PCDHGA9: variants seen among roughly 807,000 people sequenced by gnomAD.
PCDHGA9 encodes protocadherin gamma-A9.
PCDHGA9 carries 37 observed loss-of-function variants against 62.5 expected under a neutral mutation model. The ratio of observed to expected loss-of-function variants is 0.59; its 90% CI spans 0.46 to 0.78. The LOEUF (loss-of-function observed/expected upper bound fraction) is 0.78. PCDHGA9 is among the 30% of genes least tolerant of loss of function. The probability of loss-of-function intolerance (pLI) is 0.00; values close to 1 mark genes in which losing one functional copy is unlikely to be tolerated. For synonymous variants in PCDHGA9, 459 were observed against 484.6 expected, an observed-to-expected ratio of 0.95 and a Z score of 0.69; for missense variants, 1,138 against 1,166.2, an observed-to-expected ratio of 0.98 and a Z score of 0.35.
Position 141,511,350 on chromosome 5 carries a change from C to G in PCDHGA9, c.*177C>G, listed in dbSNP as rs1303365585. 4.3e-6 allele frequency: 6 copies of G among 1,397,194 alleles called. No homozygotes were observed. Among genetic ancestry groups the G allele is most frequent in the East Asian group, 2.5e-5 (1 of 39,862 alleles). The allele number at this position is 1,397,194 out of a possible 1,614,324, so 86.5% of individuals were successfully genotyped here. On this transcript the variant is annotated 3_prime_UTR_variant, in exon 4 of 4. Transcript: ENST00000573521. ...CCCAGTCAGCACCTACCCCTTCCCC[C>G]CCAGGGGGTTGAATATGCAAAAGCA...
Position 141,489,600 on chromosome 5 carries a change from G to A in PCDHGA9, c.2425-5207G>A, listed in dbSNP as rs1407225048. 8.1e-6 allele frequency: 13 copies of A among 1,614,034 alleles called. No homozygotes were observed. Among genetic ancestry groups the A allele is most frequent in the Non-Finnish European group, 1.1e-5 (13 of 1,179,962 alleles). ...ACCCCCTGGAGCTAATCCGTGTAGA[G>A]GTAGAGATCCTGGATCTCAATGACA... On this transcript the variant is annotated intron_variant, in intron 1 of 3. Transcript: ENST00000573521. This position sits in a 1 kb window ranked among gnomAD's most constrained non-coding sequence, Gnocchi z 4.5.
chr5:141,469,226 A>G (rs998643671), intron 1 of PCDHGA9, among the ~76,000 whole-genome samples: 1 of 152,066 alleles, frequency 6.6e-6, no homozygotes, highest in Non-Finnish European at 1.5e-5. Context: ...TCAGTGAGCC[A>G]TGATCACCCC....
In PCDHGA9 at chr5:141,431,321, G is replaced by A. The variant is rs112186927; in HGVS notation, c.2424+25945G>A. The A allele has an allele frequency of 1.2e-6, 2 of 1,613,938 alleles. No individual in the cohort carries two copies. The highest frequency in any genetic ancestry group is 1.3e-5 in the African/African-American group (1 of 74,910). ...CCTCATCGTGCAAAATGGAGCCGAC[G>A]GTAGTAAGTACCCCGAATTGGTGCT... is the stretch of plus-strand genomic sequence containing the variant. On this transcript the variant is annotated intron_variant, in intron 1 of 3. Transcript: ENST00000573521. The surrounding 1 kb of genome is among the most constrained non-coding windows in gnomAD (Gnocchi z 4.8).
chr5:141,460,995 A>ATG lies in PCDHGA9; in HGVS notation c.2425-33808_2425-33807dup, dbSNP rs1561986931. Among the ~76,000 whole-genome samples the ATG allele has an allele frequency of 5.3e-5, 8 of 150,188 alleles. No homozygotes were observed. The East Asian group carries it at 1.4e-3, about 26-fold the overall frequency. On this transcript the variant is annotated intron_variant, in intron 1 of 3. Transcript: ENST00000573521. ...TGTGTGTGTGTGTGTATATATATAT[A>ATG]TGTGTATATATATATACCACATTTT...
At position 141,491,187 on chromosome 5, in the gene PCDHGA9, G is replaced by A. The variant is rs2099709293; in HGVS notation, c.2425-3620G>A. ...CCCAGCAGGTGGTGGTCCTGGTGAG[G>A]GACAATGGTGACCCTTCACTCTCCT... On this transcript the variant is annotated intron_variant, in intron 1 of 3. Coordinates refer to ENST00000573521, the MANE Select transcript of PCDHGA9 (RefSeq NM_018921.3). The surrounding 1 kb of genome is among the most constrained non-coding windows in gnomAD (Gnocchi z 6.9). The A allele has an allele frequency of 6.2e-7, 1 of 1,614,064 alleles. No homozygotes were observed. The highest frequency in any genetic ancestry group is 1.1e-5 in the South Asian group (1 of 91,080).
At chr5:141,427,773 C>T (rs1285483564) in intron 1 of PCDHGA9, 1 of 1,414,460 alleles carries the variant, frequency 7.1e-7, no homozygotes, top group Non-Finnish European at 9.9e-7. Flanking sequence ...CTTGGAGCTG[C>T]GGGCACTGTC....
At chr5:141,418,629 C>T in intron 1 of PCDHGA9, 1 of 1,614,014 alleles carries the variant, frequency 6.2e-7, no homozygotes, top group Non-Finnish European at 8.5e-7. Context: ...GACGTGCCTC[C>T]AGGCACCTCC....
chr5:141,485,279 C>T lies in PCDHGA9; in HGVS notation c.2425-9528C>T. 1 of 1,614,108 alleles carries T rather than the reference C, an allele frequency of 6.2e-7. No individual in the cohort carries two copies. Among genetic ancestry groups the T allele is most frequent in the Non-Finnish European group, 8.5e-7 (1 of 1,179,966 alleles). ...TTGTGGGCAGATCCGCTACCCGGTC[C>T]CAGAGGAGTCACAGGAAGGGACTTT... On this transcript the variant is annotated intron_variant, in intron 1 of 3. Transcript: ENST00000573521. The surrounding 1 kb of genome is among the most constrained non-coding windows in gnomAD (Gnocchi z 5.7).
chr5:141,485,726 C>G lies in PCDHGA9; in HGVS notation c.2425-9081C>G. On this transcript the variant is annotated intron_variant, in intron 1 of 3. Transcript: ENST00000573521. The surrounding 1 kb of genome is among the most constrained non-coding windows in gnomAD (Gnocchi z 5.7). ...ACACTTTGCACTGGATGTGAAGAAG[C>G]GCAGCGACGGCAGCCTGGTCCCAGA... 2 of 1,614,140 alleles carry G rather than the reference C, an allele frequency of 1.2e-6. No individual in the cohort carries two copies. The highest frequency in any genetic ancestry group is 1.1e-5 in the South Asian group (1 of 91,082).
In PCDHGA9 at chr5:141,431,710, G is replaced by A. The variant is rs1249423969; in HGVS notation, c.2424+26334G>A. On this transcript the variant is annotated intron_variant, in intron 1 of 3. Coordinates refer to ENST00000573521, the MANE Select transcript of PCDHGA9 (RefSeq NM_018921.3). The surrounding 1 kb of genome is among the most constrained non-coding windows in gnomAD (Gnocchi z 4.8). ...ACGAGGAGTCAGGATTCTACCAGAT[G>A]GAAGTGCAAGCAATGGATAATGCAG... is the stretch of plus-strand genomic sequence containing the variant. 3.1e-6 allele frequency: 5 copies of A among 1,614,116 alleles called. No individual in the cohort carries two copies. Among genetic ancestry groups the A allele is most frequent in the South Asian group, 1.1e-5 (1 of 91,088 alleles).
Position 141,476,935 on chromosome 5 carries a change from A to G in PCDHGA9, c.2425-17872A>G. The G allele has an allele frequency of 6.2e-7, 1 of 1,614,166 alleles. No homozygotes were observed. Among genetic ancestry groups the G allele is most frequent in the Non-Finnish European group, 8.5e-7 (1 of 1,180,046 alleles). Reference sequence around the variant, plus strand: ...AAGTCCTTGCAACGGATCTGGATGAAGGCCCCAACGGTGAAATTATTTACT... The same window carrying G: ...AAGTCCTTGCAACGGATCTGGATGAGGGCCCCAACGGTGAAATTATTTACT... On this transcript the variant is annotated intron_variant, in intron 1 of 3. Transcript: ENST00000573521. This position sits in a 1 kb window ranked among gnomAD's most constrained non-coding sequence, Gnocchi z 7.6.
In PCDHGA9 at chr5:141,402,985, A is replaced by G; in HGVS notation, c.33A>G (p.Gly11=). 1 of 1,609,390 alleles carries G rather than the reference A, an allele frequency of 6.2e-7. No homozygotes were observed. The highest frequency in any genetic ancestry group is 8.5e-7 in the Non-Finnish European group (1 of 1,178,170). Residue 11 remains glycine (G), a synonymous_variant, in exon 1 of 4, where the codon GGA becomes GGG. Transcript: ENST00000573521. ...CTCCAACCAAATGCCAGCTCCGCGG[A>G]AGATTAGTCCTGCTATGCTCGCTCC... MAAPTKCQLR[G]RLVLLCSLLG... is the part of the protein sequence containing the mutation.
chr5:141,432,586 C>T lies in PCDHGA9; in HGVS notation c.2424+27210C>T. The T allele has an allele frequency of 1.9e-6, 3 of 1,613,852 alleles. No homozygotes were observed. Among genetic ancestry groups the T allele is most frequent in the Non-Finnish European group, 2.5e-6 (3 of 1,179,972 alleles). On this transcript the variant is annotated intron_variant, in intron 1 of 3. Transcript: ENST00000573521. The surrounding 1 kb of genome is among the most constrained non-coding windows in gnomAD (Gnocchi z 6.0). ...ACGCCTGGCTGTCCTACCGTCTGCT[C>T]AAGGCCAGCGAGCCGGGACTCTTCT...
At chr5:141,421,449 G>A (rs2096574013) in intron 1 of PCDHGA9, 2 of 1,614,010 alleles carry the variant, frequency 1.2e-6, no homozygotes, top group African/African-American at 1.3e-5. Flanking sequence ...GGAAGACACA[G>A]CTTTTCGCTG....
At chr5:141,419,109 A>T in intron 1 of PCDHGA9, 1 of 1,613,940 alleles carries the variant, frequency 6.2e-7, no homozygotes, top group Non-Finnish European at 8.5e-7. Flanking sequence ...CAGACCCCAG[A>T]GTACAACGTC....
intron 2 of PCDHGA9, among the ~76,000 whole-genome samples, chr5:141,501,476 A>T (rs1274017343): frequency 3.3e-5 from 5 of 152,044 alleles, no homozygotes; most frequent in Admixed American, 3.3e-4. Context: ...ATCCTGGAAG[A>T]GTCCCTCATA....
intron 1 of PCDHGA9, chr5:141,413,249 G>A (rs756270877): frequency 6.8e-6 from 11 of 1,613,832 alleles, no homozygotes; most frequent in Non-Finnish European, 9.3e-6. Flanking sequence ...CTTTTCTTCG[G>A]GATTCCATGG....
intron 1 of PCDHGA9, chr5:141,420,437 T>G (rs2096496377): frequency 4.5e-6 from 5 of 1,109,618 alleles, no homozygotes; most frequent in Admixed American, 3.7e-5. Context: ...TTAAATTAAA[T>G]GCCTCAGTCT....
Position 141,484,647 on chromosome 5 carries a change from G to A in PCDHGA9, c.2425-10160G>A, listed in dbSNP as rs556711906. Among the ~76,000 whole-genome samples, 104 of 152,066 alleles carry A rather than the reference G, an allele frequency of 6.8e-4. 3 individuals carry two copies. Among genetic ancestry groups the A allele is most frequent in the East Asian group, 1.2e-3 (6 of 5,166 alleles). ...TGAACAAAGTGACCACTCTCCAATG[G>A]CTACTCTCCCTCTCAGTGGGCCGCA... On this transcript the variant is annotated intron_variant, in intron 1 of 3. Transcript: ENST00000573521.
Sources: gnomAD v4.1 joint callset for allele counts (sites outside exome capture counted in the v4.1 genomes callset) on GRCh38, gnomAD v4.1.1 for gene constraint, Gnocchi (gnomAD v3.1) non-coding constraint, MANE v1.5 for transcripts, NCBI Gene and HGNC (gene_info 2026-07-23, HGNC 2026-07-21) for gene names.